KLHL12: variants seen among roughly 807,000 people sequenced by gnomAD.
KLHL12 encodes kelch like family member 12, also known as kelch-like protein 12.
In KLHL12, 17 loss-of-function variants were observed where a neutral mutation model predicts 60.8. That is an observed-to-expected ratio of 0.28 (90% CI 0.19 to 0.42). The LOEUF is 0.42. Ranked by LOEUF, KLHL12 falls within the 10% of genes least tolerant of loss-of-function variation. KLHL12 has a pLI of 1.00. For missense variants in KLHL12, 468 were observed against 722.3 expected, an observed-to-expected ratio of 0.65 and a Z score of 4.04; for synonymous variants, 220 against 250.9, an observed-to-expected ratio of 0.88 and a Z score of 1.16.
At chr1:202,922,766 G>A (rs552745782) in intron 2 of KLHL12, among the ~76,000 whole-genome samples, 2 of 152,126 alleles carry the variant, frequency 1.3e-5, no homozygotes, top group South Asian at 2.1e-4. Context: ...GATTACAGGC[G>A]TGAGCCACCA....
intron 8 of KLHL12, 137 bp from the exon 9 acceptor site, chr1:202,894,886 A>C (rs906553236): frequency 2.0e-4 from 141 of 689,186 alleles, no homozygotes; most frequent in Non-Finnish European, 1.8e-4. Flanking sequence ...AAGTCAATTA[A>C]GTTTTATAGA....
chr1:202,928,048 G>C (rs1653701740), upstream of KLHL12, among the ~76,000 whole-genome samples: 1 of 150,576 alleles, frequency 6.6e-6, no homozygotes, highest in African/African-American at 2.4e-5. Flanking sequence ...GGGAGGCCGA[G>C]ACGGGTGGAT....
At chr1:202,916,474 G>A (rs1232927648) in intron 4 of KLHL12, among the ~76,000 whole-genome samples, 5 of 152,128 alleles carry the variant, frequency 3.3e-5, no homozygotes, top group Non-Finnish European at 5.9e-5. Context: ...GTGAAACTCC[G>A]TCTCTGCTAA....
upstream of KLHL12, chr1:202,928,437 A>C: frequency 8.4e-7 from 1 of 1,191,890 alleles, no homozygotes; most frequent in Non-Finnish European, 1.1e-6. Context: ...GAGAATTCCA[A>C]CGCTTAATAT....
rs1482453440 is a variant in KLHL12, at chr1:202,909,582, T to C, written c.718-458A>G. ...GTTCACAGTCCTGTTGTAATTACCA[T>C]TGTCTATTTCTGACAGCTCTGTACT... On this transcript the variant is annotated intron_variant, in intron 5 of 11. Coordinates refer to ENST00000367261, the MANE Select transcript of KLHL12 (RefSeq NM_021633.4). This position sits in a 1 kb window ranked among gnomAD's most constrained non-coding sequence, Gnocchi z 4.1. Among the ~76,000 whole-genome samples, 2 of 152,160 alleles carry C rather than the reference T, an allele frequency of 1.3e-5. No individual in the cohort carries two copies. Among genetic ancestry groups the C allele is most frequent in the East Asian group, 1.9e-4 (1 of 5,192 alleles).
chr1:202,925,552 A>C (rs777998795), intron 1 of KLHL12, among the ~76,000 whole-genome samples: 17 of 152,210 alleles, frequency 1.1e-4, no homozygotes, highest in South Asian at 2.1e-4. Flanking sequence ...AAATTTCTTA[A>C]AGGTGTTATA....
intron 4 of KLHL12, chr1:202,915,007 T>C (rs901946726): frequency 5.9e-5 from 9 of 151,848 alleles, no homozygotes; most frequent in African/African-American, 1.2e-4. Flanking sequence ...GAGCAGAAGA[T>C]AGAATAAATT....
intron 4 of KLHL12, among the ~76,000 whole-genome samples, chr1:202,917,166 T>C (rs962918047): frequency 6.6e-6 from 1 of 152,208 alleles, no homozygotes; most frequent in Admixed American, 6.5e-5. Context: ...GTTAAGTCAC[T>C]GAATGCCTGC....
chr1:202,911,347 G>T, intron 4 of KLHL12, 144 bp from the exon 5 acceptor site: 1 of 897,312 alleles, frequency 1.1e-6, no homozygotes, highest in Non-Finnish European at 1.7e-6. Flanking sequence ...CTAGGCTCTT[G>T]GGAAAACAAT....
chr1:202,927,011 G>T, intron 1 of KLHL12, 78 bp downstream of exon 1: 1 of 957,260 alleles, frequency 1.0e-6, no homozygotes, highest in Non-Finnish European at 1.2e-6. Context: ...GGAGACCAAG[G>T]ATGGGGGGTA....
chr1:202,899,697 G>A (rs949152652), intron 6 of KLHL12, among the ~76,000 whole-genome samples: 11 of 151,964 alleles, frequency 7.2e-5, no homozygotes, highest in South Asian at 2.1e-4. Context: ...GCAGTGATGC[G>A]CACCTGTAGT....
intron 5 of KLHL12, among the ~76,000 whole-genome samples, chr1:202,910,367 A>C (rs1229371529): frequency 6.6e-6 from 1 of 152,240 alleles, no homozygotes; most frequent in African/African-American, 2.4e-5. Context: ...AATCACAAAC[A>C]GGAGAAAAAG....
intron 2 of KLHL12, among the ~76,000 whole-genome samples, chr1:202,920,178 G>A (rs1310783470): frequency 6.6e-6 from 1 of 151,750 alleles, no homozygotes; most frequent in East Asian, 2.0e-4. Flanking sequence ...GTTGGGCATG[G>A]TGGCACATGC....
chr1:202,915,961 A>T (rs1251860081), intron 4 of KLHL12, among the ~76,000 whole-genome samples: 8 of 152,272 alleles, frequency 5.3e-5, no homozygotes, highest in Non-Finnish European at 1.2e-4. Context: ...TAAATGCTGA[A>T]TAAGTATTAG....
At chr1:202,926,980 G>A (rs1653600608) in intron 1 of KLHL12, 109 bp downstream of exon 1, 14 of 841,922 alleles carry the variant, frequency 1.7e-5, no homozygotes, top group Non-Finnish European at 2.0e-5. Context: ...TGTTGGGCAT[G>A]TCTCCCATTC....
Position 202,918,260 on chromosome 1 carries a change from T to G in KLHL12, c.478A>C (p.Lys160Gln). Residue 160 changes from lysine (K) to glutamine (Q), a missense_variant, in exon 4 of 12, where the codon AAG becomes CAG. Transcript: ENST00000367261. The stretch of plus-strand genomic sequence containing the variant: ...TGCTGTACCACTTCAGGAAAATGCT[T>G]CTGGCTAAAAACCTCAGCTGCTTGC... ...LMQAAEVFSQ[K>Q]HFPEVVQHEE... 1 of 1,614,184 alleles carries G rather than the reference T, an allele frequency of 6.2e-7. No homozygotes were observed. The highest frequency in any genetic ancestry group is 1.1e-5 in the South Asian group (1 of 91,086).
In KLHL12 at chr1:202,917,578, T is replaced by C. The variant is rs563637684; in HGVS notation, c.567+593A>G. Among the ~76,000 whole-genome samples, 3 of 152,346 alleles carry C rather than the reference T, an allele frequency of 2.0e-5. 1 individual carries two copies. In the South Asian group the frequency reaches 6.2e-4, roughly 32 times the overall value. ...CCGCTGCATCCTCACAAGACAGTTA[T>C]GATTTGGCTCCTGCTTCTGTAGATC... is the stretch of plus-strand genomic sequence containing the variant. On this transcript the variant is annotated intron_variant, in intron 4 of 11. Transcript: ENST00000367261.
chr1:202,912,230 C>A, intron 4 of KLHL12: 1 of 1,103,472 alleles, frequency 9.1e-7, no homozygotes, highest in Non-Finnish European at 1.4e-6. Flanking sequence ...TCATGACTGA[C>A]TGAGGCAGTG....
At chr1:202,916,543 C>T (rs896409215) in intron 4 of KLHL12, among the ~76,000 whole-genome samples, 33 of 152,116 alleles carry the variant, frequency 2.2e-4, no homozygotes, top group Admixed American at 2.1e-3. Flanking sequence ...ACCTGGGAGG[C>T]CGAGGCAGGA....
Sources: allele counts gnomAD v4.1 joint callset (sites outside exome capture counted in the v4.1 genomes callset), GRCh38; gene constraint gnomAD v4.1.1; non-coding constraint Gnocchi (gnomAD v3.1); transcripts MANE v1.5; gene names NCBI Gene and HGNC (gene_info 2026-07-23, HGNC 2026-07-21).